Variants in ATRX observed in about 807,000 individuals in gnomAD.
ATRX encodes the protein ATRX chromatin remodeler.
Under a neutral mutation model 172.6 loss-of-function variants are expected in ATRX, and 12 were observed. That is an observed-to-expected ratio of 0.07 (90% CI 0.04 to 0.11). ATRX has a LOEUF of 0.11. Among genes scored for constraint, ATRX ranks in the 10% least tolerant of loss-of-function variants. The probability of loss-of-function intolerance (pLI) is 1.00; values close to 1 mark genes in which losing one functional copy is unlikely to be tolerated. For missense variants in ATRX, 1,368 were observed against 1,767.4 expected (o/e 0.77, Z 4.05); for synonymous variants, 674 against 594.7 (o/e 1.13, Z -1.94).
intron 5 of ATRX, 130 bp downstream of exon 5, chrX:77,696,447 G>A (rs2148676664): frequency 1.4e-6 from 1 of 690,531 alleles, no homozygotes; most frequent in East Asian, 3.3e-5. Context: ...TATATTTCTA[G>A]ACAACCACTA....
intron 22 of ATRX, among the ~76,000 whole-genome samples, chrX:77,601,271 G>A (rs1387159298): frequency 3.7e-5 from 4 of 109,561 alleles, no homozygotes; most frequent in African/African-American, 1.3e-4. Context: ...TTCAAGACAG[G>A]CCTGGACAAC....
rs190635842 is a variant in ATRX at position 77,691,231 on chromosome X, G to A, written c.485-2304C>T. 7 of 112,066 alleles carry A rather than the reference G, an allele frequency of 6.2e-5. No homozygotes were observed. The Admixed American group carries it at 6.6e-4, about 11-fold the overall frequency. 9.2% of individuals were successfully genotyped at this position (112,066 alleles called of 1,213,427 possible). On this transcript the variant is annotated intron_variant, in intron 6 of 34. Transcript: ENST00000373344. ...ACTTCAATATAATCATTACCTGTGG[G>A]GTGGGAAGAAGGGGAAATGGATGAG...
chrX:77,517,540 A>G (rs1261090872), intron 34 of ATRX, among the ~76,000 whole-genome samples: 1 of 112,161 alleles, frequency 8.9e-6, no homozygotes, highest in African/African-American at 3.2e-5. Flanking sequence ...AAAGTCTTCC[A>G]GCAAAGAAAA....
intron 26 of ATRX, 51 bp from the exon 27 acceptor site, chrX:77,589,991 T>C (rs781899909): frequency 2.0e-6 from 2 of 992,461 alleles, no homozygotes; most frequent in South Asian, 2.0e-5. Context: ...AGTAAAGATA[T>C]CACTTCTTCC....
chrX:77,665,428 C>T (rs1388281941), intron 10 of ATRX, among the ~76,000 whole-genome samples: 1 of 111,292 alleles, frequency 9.0e-6, no homozygotes, highest in African/African-American at 3.3e-5. Flanking sequence ...TAATTACATA[C>T]ATGGTAAAAA....
intron 1 of ATRX, among the ~76,000 whole-genome samples, chrX:77,727,501 T>TA (rs1323654179): frequency 9.0e-6 from 1 of 110,753 alleles, no homozygotes. Context: ...TATGCAGCCA[T>TA]AAAAAAAGGA....
chrX:77,668,161 T>C (rs980479063), intron 10 of ATRX, among the ~76,000 whole-genome samples: 2 of 110,943 alleles, frequency 1.8e-5, no homozygotes, highest in African/African-American at 3.3e-5. Context: ...ACCTTCAACC[T>C]GAGTAGCCAG....
At chrX:77,668,300 C>T (rs940941161) in intron 10 of ATRX, among the ~76,000 whole-genome samples, 3 of 111,254 alleles carry the variant, frequency 2.7e-5, no homozygotes, top group African/African-American at 9.8e-5. Flanking sequence ...ACTTGAGAAC[C>T]AGCTGAGGCT....
In ATRX at chrX:77,683,530, A is replaced by G; in HGVS notation, c.1726T>C (p.Ser576Pro). 1 of 1,208,448 alleles carries G rather than the reference A, an allele frequency of 8.3e-7. No homozygotes were observed. Among genetic ancestry groups the G allele is most frequent in the African/African-American group, 1.7e-5 (1 of 57,646 alleles). Residue 576 changes from serine (S) to proline (P), a missense_variant, in exon 9 of 35, where the codon TCA (serine) becomes CCA (proline). Around this residue, in one of 17 missense-constraint regions of ATRX, gnomAD observed 843 missense variants for 643.1 expected, o/e 1.31. Coordinates refer to ENST00000373344, the MANE Select transcript of ATRX (RefSeq NM_000489.6). ...SSKDNRGGIK[S>P]KTTAKVTKEL... ...TTTGTTACTTTAGCTGTAGTTTTTG[A>G]TTTAATACCTCCTCTGTTGTCTTTT...
intron 34 of ATRX, among the ~76,000 whole-genome samples, chrX:77,511,620 A>G (rs1329011188): frequency 1.8e-5 from 2 of 111,999 alleles, no homozygotes; most frequent in Non-Finnish European, 3.8e-5. Flanking sequence ...AGATATTGAA[A>G]TAATTTAAAA....
rs2069410566 is a variant in ATRX at position 77,653,956 on chromosome X, C to T, written c.4317+142G>A. 8 of 454,149 alleles carry T rather than the reference C, an allele frequency of 1.8e-5. 1 individual carries two copies. Among genetic ancestry groups the T allele is most frequent in the South Asian group, 7.9e-5 (2 of 25,316 alleles). 37.4% of individuals were successfully genotyped at this position (454,149 alleles called of 1,213,427 possible). ...ATCAATACTTTTACATATATATATTCAATAACCAATCCTTCCACAAGTGTA... is the reference window on the plus strand; with the variant it reads ...ATCAATACTTTTACATATATATATTTAATAACCAATCCTTCCACAAGTGTA... On this transcript the variant is annotated intron_variant, in intron 14 of 34. Coordinates refer to ENST00000373344, the MANE Select transcript of ATRX (RefSeq NM_000489.6).
chrX:77,752,614 A>G (rs1009897992), intron 1 of ATRX, among the ~76,000 whole-genome samples: 6 of 111,995 alleles, frequency 5.4e-5, no homozygotes, highest in African/African-American at 1.9e-4. Context: ...TGTCATAAAT[A>G]GCTCTTATTA....
chrX:77,661,523 C>T (rs2069904265), intron 12 of ATRX, among the ~76,000 whole-genome samples: 1 of 109,281 alleles, frequency 9.2e-6, no homozygotes, highest in Admixed American at 9.8e-5. Context: ...TATTATATTT[C>T]CCAAACACTT....
Position 77,507,635 on chromosome X carries a change from T to C in ATRX, c.*716A>G, listed in dbSNP as rs2062739488. 1 of 173,814 alleles carries C rather than the reference T, an allele frequency of 5.8e-6. No individual in the cohort carries two copies. 14.3% of individuals were successfully genotyped at this position (173,814 alleles called of 1,213,427 possible). On this transcript the variant is annotated 3_prime_UTR_variant, in exon 35 of 35. Transcript: ENST00000373344. ...TTATTTCAGCACATATAACTGAAAA[T>C]AAAAAATGGCAGAAGGACTAAAGAA...
intron 30 of ATRX, among the ~76,000 whole-genome samples, chrX:77,538,092 A>G: frequency 9.1e-6 from 1 of 110,333 alleles, no homozygotes; most frequent in Non-Finnish European, 1.9e-5. Flanking sequence ...TGCTGGGCTT[A>G]ATACTTAGGT....
At chrX:77,667,295 ATG>A (rs782297684) in intron 10 of ATRX, among the ~76,000 whole-genome samples, 3,382 of 88,984 alleles carry the variant, frequency 0.038, 94 homozygotes, top group African/African-American at 0.087. Flanking sequence ...ACGAATAAAT[ATG>A]TGTGTGTGTG....
chrX:77,780,579 C>T (rs963348859), intron 1 of ATRX, among the ~76,000 whole-genome samples: 9 of 109,315 alleles, frequency 8.2e-5, no homozygotes, highest in Middle Eastern at 4.7e-3. Flanking sequence ...CCACCTGCCT[C>T]GGCCTCCCAA....
intron 15 of ATRX, among the ~76,000 whole-genome samples, chrX:77,638,786 A>G (rs781868693): frequency 2.7e-5 from 3 of 112,387 alleles, no homozygotes; most frequent in East Asian, 5.6e-4. Context: ...GTGGTGAAGT[A>G]AAAATAGCAT....
At chrX:77,662,798 C>T (rs1255878549) in intron 12 of ATRX, among the ~76,000 whole-genome samples, 2 of 111,331 alleles carry the variant, frequency 1.8e-5, no homozygotes, top group Non-Finnish European at 3.8e-5. Flanking sequence ...TGGGTTCAAG[C>T]GATTCTCCTG....
Sources: gnomAD v4.1 joint callset for allele counts (sites outside exome capture counted in the v4.1 genomes callset) on GRCh38, gnomAD v4.1.1 for gene constraint, gnomAD v4.1.1 regional missense constraint, MANE v1.5 for transcripts, NCBI Gene and HGNC (gene_info 2026-07-23, HGNC 2026-07-21) for gene names.